The following ZNF385D variants were observed in gnomAD, a reference collection of about 807,000 sequenced individuals.
The protein encoded by ZNF385D is zinc finger protein 385D.
Under a neutral mutation model 35.8 loss-of-function variants are expected in ZNF385D, and 15 were observed. The observed-to-expected ratio is 0.42, with a 90% CI of 0.28 to 0.64. The LOEUF (loss-of-function observed/expected upper bound fraction) is 0.64, where lower values mean the gene tolerates loss of function less well. Ranked by LOEUF, ZNF385D falls within the 30% of genes least tolerant of loss-of-function variation. The pLI is 0.23. For missense variants in ZNF385D, 474 were observed against 494.6 expected, an observed-to-expected ratio of 0.96 and a Z score of 0.39; for synonymous variants, 212 against 186.8, an observed-to-expected ratio of 1.13 and a Z score of -1.10.
chr3:21,823,296 A>G (rs887578714), intron 3 of ZNF385D, among the ~76,000 whole-genome samples: 2 of 152,208 alleles, frequency 1.3e-5, no homozygotes, highest in Non-Finnish European at 2.9e-5. Context: ...GGACAATTTT[A>G]GGTTTAAATC....
intron 2 of ZNF385D, among the ~76,000 whole-genome samples, chr3:22,297,133 A>G (rs982716303): frequency 2.0e-5 from 3 of 152,068 alleles, no homozygotes; most frequent in African/African-American, 4.8e-5. Flanking sequence ...ATAATCTCCT[A>G]AGGACCTAAA....
intron 1 of ZNF385D, among the ~76,000 whole-genome samples, chr3:21,723,373 C>T (rs1364520121): frequency 6.6e-6 from 1 of 152,116 alleles, no homozygotes. Context: ...GGAGCGTGTT[C>T]TAACCCAATG....
intron 3 of ZNF385D, among the ~76,000 whole-genome samples, chr3:22,017,364 G>A (rs534480901): frequency 4.0e-5 from 6 of 151,808 alleles, no homozygotes; most frequent in East Asian, 1.9e-4. Context: ...CTGTTCTTTC[G>A]GTTCGTAGAT....
intron 3 of ZNF385D, among the ~76,000 whole-genome samples, chr3:21,833,166 G>T (rs1411809094): frequency 6.6e-6 from 1 of 152,076 alleles, no homozygotes; most frequent in Non-Finnish European, 1.5e-5. Context: ...ATCAAGAAAG[G>T]CAAGAATCCT....
rs535159316 is a variant in ZNF385D at position 21,418,170 on chromosome 3, C to T, written c.*3044G>A. The T allele has an allele frequency of 1.3e-5, 2 of 152,234 alleles. No individual in the cohort carries two copies. The highest frequency in any genetic ancestry group is 2.1e-4 in the South Asian group (1 of 4,832). 9.4% of individuals were successfully genotyped at this position (152,234 alleles called of 1,614,324 possible). On this transcript the variant is annotated 3_prime_UTR_variant, in exon 8 of 8. Transcript: ENST00000281523. ...TATATTTGTTTCAAATGAATCAGAG[C>T]TGCTTTCTCTATCACTTTCCTTGCC...
At chr3:22,343,437 A>C (rs918175705) in intron 2 of ZNF385D, among the ~76,000 whole-genome samples, 2 of 152,212 alleles carry the variant, frequency 1.3e-5, no homozygotes, top group Non-Finnish European at 2.9e-5. Context: ...AGGACTTTGG[A>C]ACTGGAGGGA....
At position 22,153,426 on chromosome 3, in the gene ZNF385D, G is replaced by A. The variant is rs575398818; in HGVS notation, c.325+15391C>T. ...AAGTTCCTGCATTCACAATGACCCC[G>A]TGCCTGTTTTAATTCTGTTTGTCAC... On this transcript the variant is annotated intron_variant, in intron 3 of 5. Coordinates refer to the ZNF385D transcript ENST00000494108. Among the ~76,000 whole-genome samples, 10 of 150,490 alleles carry A rather than the reference G, an allele frequency of 6.6e-5. 1 individual carries two copies. Among genetic ancestry groups the A allele is most frequent in the South Asian group, 4.2e-4 (2 of 4,728 alleles).
chr3:21,927,757 A>G (rs1038368396), intron 3 of ZNF385D, among the ~76,000 whole-genome samples: 2 of 152,234 alleles, frequency 1.3e-5, no homozygotes, highest in Non-Finnish European at 2.9e-5. Flanking sequence ...ATAATAAACT[A>G]GGGGACATTT....
At chr3:22,083,766 A>G (rs1199096380) in intron 3 of ZNF385D, among the ~76,000 whole-genome samples, 1 of 152,184 alleles carries the variant, frequency 6.6e-6, no homozygotes, top group Non-Finnish European at 1.5e-5. Context: ...GAGCATCCCT[A>G]AGACACATAA....
chr3:21,494,728 T>C (rs892022706), intron 4 of ZNF385D, among the ~76,000 whole-genome samples: 1 of 152,200 alleles, frequency 6.6e-6, no homozygotes, highest in African/African-American at 2.4e-5. Context: ...AACCACTTTA[T>C]CACAGCTTTT....
At chr3:22,351,209 T>G (rs1695900950) in intron 2 of ZNF385D, among the ~76,000 whole-genome samples, 1 of 152,136 alleles carries the variant, frequency 6.6e-6, no homozygotes, top group Admixed American at 6.5e-5. Flanking sequence ...TGGTTTTGTT[T>G]TCCATAAAGA....
intron 3 of ZNF385D, among the ~76,000 whole-genome samples, chr3:21,809,980 G>A (rs2072838435): frequency 6.6e-6 from 1 of 152,110 alleles, no homozygotes; most frequent in East Asian, 1.9e-4. Flanking sequence ...AAATTTACAT[G>A]GATTCCATAC....
At chr3:22,196,522 C>T (rs1202404371) in intron 2 of ZNF385D, among the ~76,000 whole-genome samples, 1 of 151,592 alleles carries the variant, frequency 6.6e-6, no homozygotes, top group African/African-American at 2.4e-5. Context: ...GTTTTTATTG[C>T]ATTTATTCTC....
chr3:21,899,071 A>G (rs171827), intron 3 of ZNF385D, among the ~76,000 whole-genome samples: 57,524 of 151,880 alleles, frequency 0.38, 11,544 homozygotes, highest in African/African-American at 0.48. Context: ...CGGGATGTTT[A>G]TTATTCCCCA....
chr3:22,372,575 G>C (rs1329086324), exon 2 of ZNF385D: 1 of 982,262 alleles, frequency 1.0e-6, no homozygotes, highest in Non-Finnish European at 1.2e-6. Context: ...GCAGCCGCCG[G>C]GGCTGGCTGT....
At chr3:22,319,037 T>A (rs1037780136) in intron 2 of ZNF385D, among the ~76,000 whole-genome samples, 1 of 152,196 alleles carries the variant, frequency 6.6e-6, no homozygotes, top group African/African-American at 2.4e-5. Flanking sequence ...GGCAGGCTTT[T>A]ATAAATTTGT....
At chr3:22,323,532 G>A (rs539108443) in intron 2 of ZNF385D, among the ~76,000 whole-genome samples, 9 of 152,076 alleles carry the variant, frequency 5.9e-5, no homozygotes, top group South Asian at 2.1e-4. Context: ...ATACAAAACC[G>A]TGAGAAGAAA....
chr3:22,165,429 T>G (rs988025457), intron 3 of ZNF385D, among the ~76,000 whole-genome samples: 1 of 152,174 alleles, frequency 6.6e-6, no homozygotes, highest in East Asian at 1.9e-4. Context: ...AGCTGATCAG[T>G]TGCAAAATAA....
intron 2 of ZNF385D, among the ~76,000 whole-genome samples, chr3:21,644,426 C>A (rs1244440500): frequency 6.6e-6 from 1 of 152,104 alleles, no homozygotes; most frequent in Non-Finnish European, 1.5e-5. Flanking sequence ...CACAGTCACA[C>A]TCACTCACAC....
Sources: gnomAD v4.1 joint callset for allele counts (sites outside exome capture counted in the v4.1 genomes callset) on GRCh38, gnomAD v4.1.1 for gene constraint, MANE v1.5 for transcripts, NCBI Gene and HGNC (gene_info 2026-07-23, HGNC 2026-07-21) for gene names.